The following HECW2 variants were observed in gnomAD, a reference collection of about 807,000 sequenced individuals.
HECW2 encodes HECT, C2 and WW domain containing E3 ubiquitin protein ligase 2, also known as E3 ubiquitin-protein ligase HECW2.
In HECW2, 61 loss-of-function variants were observed where a neutral mutation model predicts 175.2. The ratio of observed to expected loss-of-function variants is 0.35; its 90% CI spans 0.28 to 0.43. The LOEUF (loss-of-function observed/expected upper bound fraction) is 0.43. Among genes scored for constraint, HECW2 ranks in the 20% least tolerant of loss-of-function variants. The pLI is 1.00. For synonymous variants in HECW2, 671 were observed against 731.0 expected, an observed-to-expected ratio of 0.92 and a Z score of 1.32; for missense variants, 1,524 against 2,000.5, an observed-to-expected ratio of 0.76 and a Z score of 4.54.
chr2:196,264,112 A>G (rs1338065158), intron 17 of HECW2: 1 of 152,202 alleles, frequency 6.6e-6, no homozygotes, highest in Non-Finnish European at 1.5e-5. Context: ...TTTGCTTTGT[A>G]AGAAATGCTT....
intron 2 of HECW2, among the ~76,000 whole-genome samples, chr2:196,404,988 C>CA (rs1694926497): frequency 3.9e-5 from 1 of 25,638 alleles, no homozygotes; most frequent in South Asian, 2.8e-3. Context: ...CCACTCCCGG[C>CA]AAATTTTTTT....
At chr2:196,376,587 C>T (rs544188015) in intron 2 of HECW2, among the ~76,000 whole-genome samples, 29 of 147,944 alleles carry the variant, frequency 2.0e-4, no homozygotes, top group African/African-American at 6.0e-4. Flanking sequence ...GCCAACATCA[C>T]GTCACACCAC....
chr2:196,307,906 A>G (rs1333589423), intron 11 of HECW2, 29 bp downstream of exon 11: 2 of 1,480,086 alleles, frequency 1.4e-6, no homozygotes, highest in African/African-American at 1.4e-5. Context: ...CACAAAATAC[A>G]ACAGTCACAG....
chr2:196,402,743 A>G (rs181468771), intron 2 of HECW2, among the ~76,000 whole-genome samples: 64 of 152,214 alleles, frequency 4.2e-4, no homozygotes, highest in African/African-American at 1.5e-3. Context: ...ATACTTGGAA[A>G]TGTGAATATT....
intron 1 of HECW2, among the ~76,000 whole-genome samples, chr2:196,472,356 G>C (rs1697238985): frequency 6.6e-6 from 1 of 151,008 alleles, no homozygotes; most frequent in African/African-American, 2.4e-5. Context: ...TCAGGGGCGG[G>C]GGGCGCCTGT....
intron 28 of HECW2, among the ~76,000 whole-genome samples, chr2:196,212,989 A>T (rs1287879675): frequency 6.6e-6 from 1 of 152,250 alleles, no homozygotes; most frequent in Non-Finnish European, 1.5e-5. Flanking sequence ...CTATCAAAAA[A>T]TAGCAGAAAA....
Position 196,319,833 on chromosome 2 carries a change from C to T in HECW2, c.1057G>A (p.Asp353Asn), listed in dbSNP as rs1188606678. 5 of 1,614,174 alleles carry T rather than the reference C, an allele frequency of 3.1e-6. No individual in the cohort carries two copies. The highest frequency in any genetic ancestry group is 1.1e-5 in the South Asian group (1 of 91,084). ...TGGCTCCCTGGCATGTCCTCGTCAT[C>T]GGAAGGGCTACCTAAGTCTCCATTC... is the stretch of plus-strand genomic sequence containing the variant. ...SVNGDLGSPS[D>N]DEDMPGSHHD... Residue 353 changes from aspartate to asparagine, a missense_variant, in exon 9 of 29, where the codon GAT becomes AAT. Physicochemically the swap from Asp to Asn is conservative, Grantham distance 23 (BLOSUM62 1). Around this residue, in one of 11 missense-constraint regions of HECW2, gnomAD observed 604 missense variants for 588.3 expected, o/e 1.03. Transcript: ENST00000644978.
chr2:196,525,607 G>T (rs201834791), intron 1 of HECW2, among the ~76,000 whole-genome samples: 6,551 of 77,508 alleles, frequency 0.085, no homozygotes, highest in Middle Eastern at 0.23. Flanking sequence ...ATTTTGCAGC[G>T]GCTGGTACCG....
intron 4 of HECW2, 78 bp downstream of exon 4, chr2:196,334,346 T>C: frequency 9.4e-7 from 1 of 1,060,788 alleles, no homozygotes; most frequent in Non-Finnish European, 1.4e-6. Flanking sequence ...CATAACCCTG[T>C]CAGGGCCGCA....
rs538094011 is a variant in HECW2, at chr2:196,534,637, C to T, written c.-36+58871G>A. Among the ~76,000 whole-genome samples, 28 of 152,242 alleles carry T rather than the reference C, an allele frequency of 1.8e-4. 1 individual carries two copies. Among genetic ancestry groups the T allele is most frequent in the Admixed American group, 4.6e-4 (7 of 15,292 alleles). ...GGTAAATGTAGGCCAGCTGCTGTGA[C>T]GCAGGAGGGAGAGCTGGGGCTTTGA... On this transcript the variant is annotated intron_variant, in intron 1 of 28. Coordinates refer to ENST00000644978, the MANE Select transcript of HECW2 (RefSeq NM_001348768.2).
intron 18 of HECW2, among the ~76,000 whole-genome samples, chr2:196,257,205 T>C (rs1397987848): frequency 6.6e-6 from 1 of 152,170 alleles, no homozygotes; most frequent in Non-Finnish European, 1.5e-5. Context: ...AGAAAGTCTT[T>C]TGAAAACTTG....
chr2:196,390,717 T>C (rs1334609463), intron 2 of HECW2, among the ~76,000 whole-genome samples: 1 of 152,198 alleles, frequency 6.6e-6, no homozygotes, highest in Admixed American at 6.5e-5. Flanking sequence ...GTCCAAGGCA[T>C]TCATGGATCT....
At chr2:196,251,816 C>T (rs1688864319) in intron 19 of HECW2, among the ~76,000 whole-genome samples, 1 of 152,096 alleles carries the variant, frequency 6.6e-6, no homozygotes, top group African/African-American at 2.4e-5. Flanking sequence ...CTAATTTATC[C>T]TCCCAATTGC....
chr2:196,432,560 T>A (rs1045045918), intron 2 of HECW2, among the ~76,000 whole-genome samples: 4 of 152,236 alleles, frequency 2.6e-5, no homozygotes, highest in Non-Finnish European at 5.9e-5. Context: ...GCTGAACTGT[T>A]TTTATTAAAG....
intron 1 of HECW2, among the ~76,000 whole-genome samples, chr2:196,570,059 A>C (rs561457192): frequency 6.6e-6 from 1 of 152,376 alleles, no homozygotes; most frequent in Non-Finnish European, 1.5e-5. Flanking sequence ...GACACAAGAG[A>C]TATCCAAATG....
chr2:196,334,298 T>A (rs1692470845), intron 4 of HECW2, 126 bp downstream of exon 4: 4 of 671,132 alleles, frequency 6.0e-6, no homozygotes, highest in Admixed American at 5.5e-5. Context: ...CCTATAACAG[T>A]GCCCACACTG....
intron 2 of HECW2, among the ~76,000 whole-genome samples, chr2:196,366,391 A>G (rs1693745344): frequency 6.6e-6 from 1 of 152,232 alleles, no homozygotes; most frequent in Non-Finnish European, 1.5e-5. Context: ...ACCTCTAGGA[A>G]TGTCCATTCA....
chr2:196,396,065 T>G (rs926276987), intron 2 of HECW2, among the ~76,000 whole-genome samples: 1 of 152,202 alleles, frequency 6.6e-6, no homozygotes, highest in African/African-American at 2.4e-5. Context: ...TGACATATGC[T>G]ACAACATGGA....
Position 196,220,168 on chromosome 2 carries a change from G to A in HECW2, c.4294-15C>T. On this transcript the variant is annotated splice_polypyrimidine_tract_variant and intron_variant, in intron 25 of 28. Transcript: ENST00000644978. ...GCATCCACCACCTGTGGAATAAAAAGAGTACAAGGCATGGCTTAGGAGCCT... is the reference window on the plus strand; with the variant it reads ...GCATCCACCACCTGTGGAATAAAAAAAGTACAAGGCATGGCTTAGGAGCCT... 6.5e-7 allele frequency: 1 copy of A among 1,529,650 alleles called. No individual in the cohort carries two copies. Among genetic ancestry groups the A allele is most frequent in the Non-Finnish European group, 9.1e-7 (1 of 1,104,454 alleles). The allele number at this position is 1,529,650 out of a possible 1,614,324, so 94.8% of individuals were successfully genotyped here.
Sources: gnomAD v4.1 joint callset for allele counts (sites outside exome capture counted in the v4.1 genomes callset) on GRCh38, gnomAD v4.1.1 for gene constraint, gnomAD v4.1.1 regional missense constraint, MANE v1.5 for transcripts, NCBI Gene and HGNC (gene_info 2026-07-23, HGNC 2026-07-21) for gene names.